The following DYNLL1 variants were observed in gnomAD, a reference collection of about 807,000 sequenced individuals.
DYNLL1 encodes dynein light chain LC8-type 1.
DYNLL1 carries 3 observed loss-of-function variants against 10.1 expected under a neutral mutation model. The observed-to-expected ratio is 0.30, with a 90% CI of 0.14 to 0.77. DYNLL1 has a LOEUF of 0.77. Ranked by LOEUF, DYNLL1 falls within the 30% of genes least tolerant of loss-of-function variation. The probability of loss-of-function intolerance (pLI) is 0.66; values close to 1 mark genes in which losing one functional copy is unlikely to be tolerated. For synonymous variants in DYNLL1, 46 were observed against 41.2 expected (o/e 1.12, Z -0.45); for missense variants, 47 against 111.7 (o/e 0.42, Z 2.61).
intron 1 of DYNLL1, among the ~76,000 whole-genome samples, chr12:120,475,552 T>C (rs1226818669): frequency 6.6e-6 from 1 of 152,222 alleles, no homozygotes. Context: ...CACAGAACTT[T>C]CTAGGATGAT....
At chr12:120,496,294 C>G in intron 1 of DYNLL1, 78 bp downstream of exon 1, 1 of 1,421,316 alleles carries the variant, frequency 7.0e-7, no homozygotes, top group Non-Finnish European at 9.5e-7. Flanking sequence ...CCGCGTAGCC[C>G]GCGCTTCCTG....
intron 1 of DYNLL1, among the ~76,000 whole-genome samples, chr12:120,472,989 CT>C (rs1555220874): frequency 6.6e-6 from 1 of 152,156 alleles, no homozygotes; most frequent in Non-Finnish European, 1.5e-5. Flanking sequence ...ACCTTTTAAA[CT>C]TTTTGTTCAT....
At chr12:120,494,439 G>C (rs1455057753), upstream of DYNLL1, among the ~76,000 whole-genome samples, 1 of 151,880 alleles carries the variant, frequency 6.6e-6, no homozygotes, top group Non-Finnish European at 1.5e-5. Flanking sequence ...ACCATGCCCA[G>C]CTAATTTTGT....
At chr12:120,486,499 C>T (rs553871907) in intron 1 of DYNLL1, among the ~76,000 whole-genome samples, 9 of 152,150 alleles carry the variant, frequency 5.9e-5, no homozygotes, top group South Asian at 2.1e-4. Flanking sequence ...GTCAGGGTCT[C>T]GCTCTGTTGC....
intron 1 of DYNLL1, chr12:120,490,306 T>C (rs1879096010): frequency 6.6e-6 from 1 of 152,206 alleles, no homozygotes; most frequent in Non-Finnish European, 1.5e-5. Flanking sequence ...ATCAGGATCT[T>C]GATGCCAGAA....
chr12:120,482,954 GC>G (rs1359566240), intron 1 of DYNLL1, among the ~76,000 whole-genome samples: 1 of 151,844 alleles, frequency 6.6e-6, no homozygotes, highest in East Asian at 1.9e-4. Flanking sequence ...GGTGGCTCGT[GC>G]CTGTGGTCCC....
Position 120,498,382 on chromosome 12 carries a change from AAAC to A in DYNLL1, c.*175_*177del. The stretch of plus-strand genomic sequence containing the variant: ...TCTGTACTAGTTTGTCGTGGTTATA[AAAC>A]AATTAGCAGAATAGCCTACATTTGT... On this transcript the variant is annotated 3_prime_UTR_variant, in exon 3 of 3. Transcript: ENST00000242577. 2 of 679,176 alleles carry A rather than the reference AAAC, an allele frequency of 2.9e-6. No homozygotes were observed. The highest frequency in any genetic ancestry group is 4.5e-6 in the Non-Finnish European group (2 of 446,252). The allele number at this position is 679,176 out of a possible 1,614,324, so 42.1% of individuals were successfully genotyped here. A position where few individuals can be genotyped will look rare whatever the true frequency, so the allele number is the denominator to read the frequency against.
intron 1 of DYNLL1, among the ~76,000 whole-genome samples, chr12:120,478,251 G>C (rs1470971808): frequency 1.3e-5 from 2 of 151,946 alleles, no homozygotes; most frequent in Non-Finnish European, 2.9e-5. Context: ...GGGATTACAG[G>C]CATGCGCCAC....
chr12:120,479,465 A>ATAATAAT (rs1481700249), intron 1 of DYNLL1, among the ~76,000 whole-genome samples: 2 of 125,010 alleles, frequency 1.6e-5, no homozygotes, highest in African/African-American at 5.7e-5. Flanking sequence ...AAAAAAAAAA[A>ATAATAAT]AAAAATAATA....
At chr12:120,482,627 A>G (rs1442366417) in intron 1 of DYNLL1, among the ~76,000 whole-genome samples, 1 of 152,132 alleles carries the variant, frequency 6.6e-6, no homozygotes, top group Non-Finnish European at 1.5e-5. Context: ...CGGCCTAGCC[A>G]AAACAATTTT....
intron 1 of DYNLL1, among the ~76,000 whole-genome samples, chr12:120,473,835 C>A (rs1434201165): frequency 6.6e-6 from 1 of 151,996 alleles, no homozygotes; most frequent in Non-Finnish European, 1.5e-5. Context: ...CAGGCATTAG[C>A]CACGGCACCT....
intron 2 of DYNLL1, chr12:120,497,239 A>G (rs1306857909): frequency 6.5e-6 from 1 of 153,464 alleles, no homozygotes; most frequent in Non-Finnish European, 1.5e-5. Flanking sequence ...CAGTTAGAGT[A>G]GCTAAATCTT....
chr12:120,476,419 T>C (rs1191169564), intron 1 of DYNLL1, among the ~76,000 whole-genome samples: 1 of 152,194 alleles, frequency 6.6e-6, no homozygotes, highest in Admixed American at 6.5e-5. Context: ...TCCTTCTGTC[T>C]GCCTGAGGCT....
At chr12:120,473,564 G>A (rs1054241001) in intron 1 of DYNLL1, among the ~76,000 whole-genome samples, 9 of 150,820 alleles carry the variant, frequency 6.0e-5, no homozygotes, top group Non-Finnish European at 7.4e-5. Context: ...AGGTGGTGGC[G>A]CACACCTGTA....
At chr12:120,475,893 T>C (rs1237018225) in intron 1 of DYNLL1, among the ~76,000 whole-genome samples, 1 of 152,170 alleles carries the variant, frequency 6.6e-6, no homozygotes, top group African/African-American at 2.4e-5. Context: ...AACTAGTATA[T>C]AAAGAACAGT....
At chr12:120,477,888 C>G (rs1878791577) in intron 1 of DYNLL1, among the ~76,000 whole-genome samples, 1 of 152,020 alleles carries the variant, frequency 6.6e-6, no homozygotes, top group Non-Finnish European at 1.5e-5. Context: ...CCTCCGCCTC[C>G]TGGGTTCAAG....
At chr12:120,484,069 G>T (rs975161283) in intron 1 of DYNLL1, among the ~76,000 whole-genome samples, 37 of 152,124 alleles carry the variant, frequency 2.4e-4, no homozygotes, top group African/African-American at 8.7e-4. Context: ...CGGGGACAGG[G>T]AGTACAGACA....
intron 1 of DYNLL1, chr12:120,490,979 T>A (rs900288287): frequency 8.5e-5 from 13 of 152,502 alleles, no homozygotes; most frequent in African/African-American, 3.1e-4. Flanking sequence ...AAACAAGAAC[T>A]CTTATAATCC....
intron 1 of DYNLL1, among the ~76,000 whole-genome samples, chr12:120,474,554 C>G (rs989759549): frequency 6.6e-6 from 1 of 152,220 alleles, no homozygotes; most frequent in South Asian, 2.1e-4. Flanking sequence ...CCAAACACCA[C>G]CTGTTCCCCA....
Sources: gnomAD v4.1 joint callset for allele counts (sites outside exome capture counted in the v4.1 genomes callset) on GRCh38, gnomAD v4.1.1 for gene constraint, MANE v1.5 for transcripts, NCBI Gene and HGNC (gene_info 2026-07-23, HGNC 2026-07-21) for gene names.